The following ETFDH variants were observed in gnomAD, a reference collection of about 807,000 sequenced individuals.
The protein encoded by ETFDH is electron transfer flavoprotein dehydrogenase, also known as electron transfer flavoprotein-ubiquinone oxidoreductase, mitochondrial.
ETFDH carries 61 observed loss-of-function variants against 73.2 expected under a neutral mutation model. The ratio of observed to expected loss-of-function variants is 0.83; its 90% CI spans 0.68 to 1.03. The LOEUF is 1.03. Among genes scored for constraint, ETFDH ranks in the 50% least tolerant of loss-of-function variants. The probability of loss-of-function intolerance (pLI) is 0.00; values close to 1 mark genes in which losing one functional copy is unlikely to be tolerated. For synonymous variants in ETFDH, 243 were observed against 253.3 expected (o/e 0.96, Z 0.39); for missense variants, 685 against 745.0 (o/e 0.92, Z 0.94).
intron 1 of ETFDH, among the ~76,000 whole-genome samples, chr4:158,678,793 G>A (rs115418898): frequency 2.6e-5 from 4 of 151,884 alleles, no homozygotes; most frequent in African/African-American, 7.3e-5. Context: ...GACTGCAGGT[G>A]CATACCACCA....
intron 10 of ETFDH, among the ~76,000 whole-genome samples, chr4:158,705,146 A>T (rs1774573891): frequency 1.3e-5 from 2 of 152,170 alleles, no homozygotes; most frequent in Admixed American, 6.5e-5. Flanking sequence ...TAAGGGAACC[A>T]ATTTGTCCTC....
At chr4:158,681,500 A>G (rs1388517670) in intron 2 of ETFDH, 1 of 152,270 alleles carries the variant, frequency 6.6e-6, no homozygotes, top group Non-Finnish European at 1.5e-5. Context: ...CGTGTAACCT[A>G]AGCATACAGT....
At chr4:158,692,888 A>AAAAT (rs1554032445) in intron 6 of ETFDH, among the ~76,000 whole-genome samples, 1 of 119,102 alleles carries the variant, frequency 8.4e-6, no homozygotes, top group African/African-American at 3.2e-5. Flanking sequence ...AAAAAAAAAA[A>AAAAT]ACATATATAT....
At chr4:158,692,705 C>T (rs1417499971) in intron 6 of ETFDH, among the ~76,000 whole-genome samples, 1 of 149,424 alleles carries the variant, frequency 6.7e-6, no homozygotes, top group African/African-American at 2.4e-5. Flanking sequence ...TATATTATAA[C>T]AAAATTGAAG....
chr4:158,686,205 A>G (rs915525959), intron 5 of ETFDH, among the ~76,000 whole-genome samples: 1 of 152,174 alleles, frequency 6.6e-6, no homozygotes, highest in Non-Finnish European at 1.5e-5. Context: ...CCAGAGTGCC[A>G]TATTTTAGCC....
intron 6 of ETFDH, among the ~76,000 whole-genome samples, chr4:158,692,910 G>T (rs977041385): frequency 5.0e-5 from 7 of 141,294 alleles, no homozygotes; most frequent in African/African-American, 1.8e-4. Context: ...TATATATATG[G>T]TTTTTAACTT....
intron 5 of ETFDH, among the ~76,000 whole-genome samples, chr4:158,688,674 A>G (rs1167898550): frequency 6.6e-6 from 1 of 152,178 alleles, no homozygotes; most frequent in African/African-American, 2.4e-5. Context: ...GTCCATCTCA[A>G]AAAAACAAAA....
chr4:158,682,127 T>G, intron 2 of ETFDH, 68 bp from the exon 3 acceptor site: 1 of 1,606,728 alleles, frequency 6.2e-7, no homozygotes, highest in Non-Finnish European at 8.5e-7. Flanking sequence ...TGGATATTTT[T>G]TAACTGTCAT....
chr4:158,674,318 G>GT (rs375099607), intron 1 of ETFDH, among the ~76,000 whole-genome samples: 11 of 151,704 alleles, frequency 7.3e-5, no homozygotes, highest in East Asian at 3.9e-4. Context: ...GTTTTTTGGG[G>GT]TTTTTTTGAC....
chr4:158,690,485 G>A, intron 6 of ETFDH, 60 bp downstream of exon 6: 1 of 1,011,150 alleles, frequency 9.9e-7, no homozygotes, highest in Non-Finnish European at 1.6e-6. Context: ...AGAACTGTGT[G>A]GGCATCAAAG....
intron 2 of ETFDH, 156 bp from the exon 3 acceptor site, chr4:158,682,039 C>A: frequency 1.1e-6 from 1 of 923,762 alleles, no homozygotes; most frequent in Non-Finnish European, 1.7e-6. Flanking sequence ...TATAATCATA[C>A]TAATACAGTA....
chr4:158,699,240 G>T, intron 9 of ETFDH, 110 bp downstream of exon 9: 1 of 927,010 alleles, frequency 1.1e-6, no homozygotes, highest in Non-Finnish European at 1.7e-6. Context: ...AATAGGAAAA[G>T]TATGTAGAGT....
At chr4:158,672,511 G>T in intron 1 of ETFDH, 21 bp downstream of exon 1, 4 of 1,613,894 alleles carry the variant, frequency 2.5e-6, no homozygotes, top group Non-Finnish European at 3.4e-6. Flanking sequence ...ACGGGCGGTG[G>T]GGATAAGTGG....
rs17843973 is a variant in ETFDH, at chr4:158,707,508, C to CG, written c.1690+658_1690+659insG. 3.6e-3 allele frequency among the ~76,000 whole-genome samples: 546 copies of CG among 152,318 alleles called. 8 individuals are homozygous for CG. The highest frequency in any genetic ancestry group is 0.013 in the African/African-American group (523 of 41,566). ...TCTGAAAATAAGAAAATTCCAGAAA[C>CG]AAATAATTCTTGAGTCTTAAATTGT... On this transcript the variant is annotated intron_variant, in intron 12 of 12. Coordinates refer to ENST00000511912, the MANE Select transcript of ETFDH (RefSeq NM_004453.4).
chr4:158,706,124 T>C (rs1337500896), intron 10 of ETFDH, 65 bp from the exon 11 acceptor site: 41 of 1,107,968 alleles, frequency 3.7e-5, no homozygotes, highest in Non-Finnish European at 5.1e-5. Flanking sequence ...AGTAGCAAAA[T>C]ACTTAGCGTA....
intron 12 of ETFDH, among the ~76,000 whole-genome samples, 190 bp from the exon 13 acceptor site, chr4:158,708,174 C>T (rs888434838): frequency 6.6e-6 from 1 of 152,158 alleles, no homozygotes; most frequent in African/African-American, 2.4e-5. Context: ...GCTGTACCTC[C>T]TTTTATTATG....
chr4:158,684,042 TTC>T (rs561726665), intron 3 of ETFDH, among the ~76,000 whole-genome samples: 25 of 152,132 alleles, frequency 1.6e-4, no homozygotes, highest in African/African-American at 6.0e-4. Context: ...TCAAAGGTGT[TTC>T]CAAGACTCCC....
At position 158,708,619 on chromosome 4, in the gene ETFDH, T is replaced by C. The variant is rs1774709682; in HGVS notation, c.*92T>C. 9.7e-7 allele frequency: 1 copy of C among 1,030,170 alleles called. No homozygotes were observed. The highest frequency in any genetic ancestry group is 1.8e-5 in the Admixed American group (1 of 54,866). The allele number at this position is 1,030,170 out of a possible 1,614,324, so 63.8% of individuals were successfully genotyped here. A position where few individuals can be genotyped will look rare whatever the true frequency, so the allele number is the denominator to read the frequency against. On this transcript the variant is annotated 3_prime_UTR_variant, in exon 13 of 13. Transcript: ENST00000511912. ...TTCAGAATGTCTTTCTGCATATTACTGAACAGAATAGTCACAAAATGATTA... is the reference window on the plus strand; with the variant it reads ...TTCAGAATGTCTTTCTGCATATTACCGAACAGAATAGTCACAAAATGATTA...
chr4:158,692,081 T>C (rs1027368637), intron 6 of ETFDH, among the ~76,000 whole-genome samples: 11 of 152,122 alleles, frequency 7.2e-5, no homozygotes, highest in African/African-American at 2.2e-4. Context: ...ATTTTCTCCT[T>C]CTCACATTTC....
Sources: gnomAD v4.1 joint callset for allele counts (sites outside exome capture counted in the v4.1 genomes callset) on GRCh38, gnomAD v4.1.1 for gene constraint, MANE v1.5 for transcripts, NCBI Gene and HGNC (gene_info 2026-07-23, HGNC 2026-07-21) for gene names.